The following CCDC85A variants were observed in gnomAD, a reference collection of about 807,000 sequenced individuals.
The protein encoded by CCDC85A is coiled-coil domain-containing protein 85A.
Under a neutral mutation model 50.2 loss-of-function variants are expected in CCDC85A, and 38 were observed. That is an observed-to-expected ratio of 0.76 (90% CI 0.58 to 0.99). The LOEUF (loss-of-function observed/expected upper bound fraction) is 0.99, where lower values mean the gene tolerates loss of function less well. Ranked by LOEUF, CCDC85A falls within the 50% of genes least tolerant of loss-of-function variation. The probability of loss-of-function intolerance (pLI) is 0.00; values close to 1 mark genes in which losing one functional copy is unlikely to be tolerated. For synonymous variants in CCDC85A, 366 were observed against 301.4 expected (o/e 1.21, Z -2.22); for missense variants, 820 against 742.0 (o/e 1.11, Z -1.22).
Position 56,192,665 on chromosome 2 carries a change from G to A in CCDC85A, c.465G>A (p.Gln155=). The A allele has an allele frequency of 6.2e-7, 1 of 1,613,892 alleles. No homozygotes were observed. The highest frequency in any genetic ancestry group is 8.5e-7 in the Non-Finnish European group (1 of 1,179,862). ...AGCTGAAAGACCTGGAGGTGAAGCA[G>A]GAGGAAGTGGTGAAGGAGAACATGG... ...LQKLKDLEVK[Q]EEVVKENMEL... The change falls in exon 2 of 6, where the codon CAG becomes CAA. Residue 155 remains glutamine, a synonymous_variant. Coordinates refer to ENST00000407595, the MANE Select transcript of CCDC85A (RefSeq NM_001080433.2). This position sits in a 1 kb window ranked among gnomAD's most constrained non-coding sequence, Gnocchi z 4.7.
chr2:56,358,717 C>T (rs1263496767), intron 3 of CCDC85A, among the ~76,000 whole-genome samples: 11 of 152,086 alleles, frequency 7.2e-5, no homozygotes, highest in Admixed American at 5.9e-4. Flanking sequence ...GTTTGCTGAT[C>T]CCTGCTTTAC....
chr2:56,355,212 C>G (rs1675162184), intron 3 of CCDC85A, among the ~76,000 whole-genome samples: 1 of 152,174 alleles, frequency 6.6e-6, no homozygotes. Flanking sequence ...GAAAATTCCC[C>G]CACCCTTACT....
intron 2 of CCDC85A, among the ~76,000 whole-genome samples, chr2:56,239,490 C>T (rs1418574689): frequency 6.6e-6 from 1 of 152,068 alleles, no homozygotes; most frequent in Non-Finnish European, 1.5e-5. Flanking sequence ...TAGCCAAGTG[C>T]ATTTCAGTTT....
In CCDC85A at chr2:56,197,559, G is replaced by A. The variant is rs76386565; in HGVS notation, c.1240+4119G>A. ...ACTGGACTTGGGCACTTTGCAAAAA[G>A]AGCTCTCAGGTGATTCTAATGAGTG... is the stretch of plus-strand genomic sequence containing the variant. On this transcript the variant is annotated intron_variant, in intron 2 of 5. Coordinates refer to ENST00000407595, the MANE Select transcript of CCDC85A (RefSeq NM_001080433.2). 5.4e-3 allele frequency among the ~76,000 whole-genome samples: 820 copies of A among 152,302 alleles called. 11 individuals are homozygous for A. The highest frequency in any genetic ancestry group is 0.019 in the African/African-American group (778 of 41,574).
At chr2:56,316,480 T>G (rs1425838747) in intron 2 of CCDC85A, among the ~76,000 whole-genome samples, 1 of 152,166 alleles carries the variant, frequency 6.6e-6, no homozygotes, top group Non-Finnish European at 1.5e-5. Flanking sequence ...TTTTTAACTT[T>G]GTTATTTACA....
intron 2 of CCDC85A, 120 bp from the exon 3 acceptor site, chr2:56,342,759 A>G (rs1261049024): frequency 3.8e-6 from 2 of 532,254 alleles, no homozygotes; most frequent in Non-Finnish European, 6.4e-6. Flanking sequence ...TTTTTTTCTC[A>G]TTTTAAATAA....
At chr2:56,185,997 TG>T (rs1286185524) in intron 1 of CCDC85A, among the ~76,000 whole-genome samples, 1 of 152,206 alleles carries the variant, frequency 6.6e-6, no homozygotes, top group Admixed American at 6.5e-5. Context: ...CAGTAGATGC[TG>T]TTCCGGAATT....
chr2:56,333,247 C>T (rs6721952), intron 2 of CCDC85A, among the ~76,000 whole-genome samples: 2 of 151,808 alleles, frequency 1.3e-5, no homozygotes, highest in Admixed American at 6.6e-5. Flanking sequence ...GGACTGGGCA[C>T]GTCTCAATGA....
intron 3 of CCDC85A, among the ~76,000 whole-genome samples, chr2:56,348,181 A>G (rs1281296103): frequency 2.0e-5 from 3 of 152,170 alleles, no homozygotes; most frequent in African/African-American, 7.2e-5. Context: ...CCTATTAGGA[A>G]ATTTGTTCTT....
Position 56,192,185 on chromosome 2 carries a change from ATACT to A in CCDC85A, c.277-289_277-286del, listed in dbSNP as rs1363200793. On this transcript the variant is annotated intron_variant, in intron 1 of 5. Coordinates refer to ENST00000407595, the MANE Select transcript of CCDC85A (RefSeq NM_001080433.2). This position sits in a 1 kb window ranked among gnomAD's most constrained non-coding sequence, Gnocchi z 4.7. ...AAAGTATTGTGCAGGGATAGAACTG[ATACT>A]TAAGTTAGTTTAATTTTTATGGCCA... Among the ~76,000 whole-genome samples, 1 of 152,138 alleles carries A rather than the reference ATACT, an allele frequency of 6.6e-6. No individual in the cohort carries two copies. Among genetic ancestry groups the A allele is most frequent in the Non-Finnish European group, 1.5e-5 (1 of 68,034 alleles).
At chr2:56,330,836 T>C (rs1445088714) in intron 2 of CCDC85A, among the ~76,000 whole-genome samples, 3 of 152,132 alleles carry the variant, frequency 2.0e-5, no homozygotes, top group African/African-American at 7.2e-5. Flanking sequence ...GAACTAAAAA[T>C]AGAACTACCA....
chr2:56,204,526 A>G (rs909091438), intron 2 of CCDC85A, among the ~76,000 whole-genome samples: 1 of 152,206 alleles, frequency 6.6e-6, no homozygotes, highest in African/African-American at 2.4e-5. Flanking sequence ...ACCACAGTCC[A>G]TGCTGCCTCC....
chr2:56,341,361 C>G (rs1053532265), intron 2 of CCDC85A, among the ~76,000 whole-genome samples: 29 of 152,116 alleles, frequency 1.9e-4, no homozygotes, highest in Non-Finnish European at 2.9e-5. Flanking sequence ...TTAACAACCA[C>G]CTGACTATCC....
At chr2:56,317,572 G>A (rs1015645714) in intron 2 of CCDC85A, among the ~76,000 whole-genome samples, 2 of 152,004 alleles carry the variant, frequency 1.3e-5, no homozygotes, top group African/African-American at 2.4e-5. Flanking sequence ...GAAATTTCAC[G>A]TGAAATATTG....
intron 2 of CCDC85A, among the ~76,000 whole-genome samples, chr2:56,265,747 A>C (rs1428031366): frequency 6.6e-6 from 1 of 152,156 alleles, no homozygotes; most frequent in East Asian, 1.9e-4. Flanking sequence ...GTGCCTCAAA[A>C]AACTAAAAAT....
chr2:56,198,993 T>G (rs1363909728), intron 2 of CCDC85A, among the ~76,000 whole-genome samples: 1 of 152,168 alleles, frequency 6.6e-6, no homozygotes, highest in Non-Finnish European at 1.5e-5. Flanking sequence ...ATCCTGTCCT[T>G]TAGACTCAGT....
chr2:56,250,456 T>C (rs533100010), intron 2 of CCDC85A, among the ~76,000 whole-genome samples: 1 of 152,286 alleles, frequency 6.6e-6, no homozygotes, highest in Admixed American at 6.5e-5. Flanking sequence ...CTATCAAGGA[T>C]AAGATGATAC....
At chr2:56,227,212 C>A (rs1668579305) in intron 2 of CCDC85A, among the ~76,000 whole-genome samples, 1 of 151,972 alleles carries the variant, frequency 6.6e-6, no homozygotes, top group East Asian at 1.9e-4. Context: ...CTTTTTTCTT[C>A]CATTTATTTG....
intron 2 of CCDC85A, among the ~76,000 whole-genome samples, chr2:56,283,715 C>T (rs1157169969): frequency 1.3e-5 from 2 of 152,066 alleles, no homozygotes; most frequent in East Asian, 3.9e-4. Context: ...GTTGTGATAT[C>T]TGTAGGATCT....
Sources: gnomAD v4.1 joint callset for allele counts (sites outside exome capture counted in the v4.1 genomes callset) on GRCh38, gnomAD v4.1.1 for gene constraint, Gnocchi (gnomAD v3.1) non-coding constraint, MANE v1.5 for transcripts, NCBI Gene and HGNC (gene_info 2026-07-23, HGNC 2026-07-21) for gene names.